The following PTPRD variants were observed in gnomAD, a reference collection of about 807,000 sequenced individuals.
PTPRD encodes the protein protein tyrosine phosphatase receptor type D.
Under a neutral mutation model 214.5 loss-of-function variants are expected in PTPRD, and 34 were observed. The ratio of observed to expected loss-of-function variants is 0.16; its 90% confidence interval spans 0.12 to 0.21. The LOEUF is 0.21. PTPRD is among the 10% of genes least tolerant of loss of function. The probability of loss-of-function intolerance (pLI) is 1.00; values close to 1 mark genes in which losing one functional copy is unlikely to be tolerated. For missense variants in PTPRD, 2,545 were observed against 2,398.7 expected (o/e 1.06, Z -1.27); for synonymous variants, 1,128 against 845.7 (o/e 1.33, Z -5.79).
chr9:9,039,760 T>C (rs1363825802), intron 10 of PTPRD, among the ~76,000 whole-genome samples: 4 of 152,214 alleles, frequency 2.6e-5, no homozygotes. Context: ...TATTTTGTAC[T>C]GGGAAAGTAA....
chr9:9,030,308 T>TTA (rs2099600848), intron 10 of PTPRD, among the ~76,000 whole-genome samples: 1 of 94,124 alleles, frequency 1.1e-5, no homozygotes, highest in East Asian at 3.4e-4. Context: ...TTTTTTTTTT[T>TTA]ACAGATATCT....
chr9:9,535,987 G>C (rs1296879909), intron 8 of PTPRD, among the ~76,000 whole-genome samples: 2 of 151,966 alleles, frequency 1.3e-5, no homozygotes, highest in Non-Finnish European at 2.9e-5. Context: ...AACCAAGAAA[G>C]GTAATGTCAT....
intron 9 of PTPRD, among the ~76,000 whole-genome samples, chr9:9,334,876 T>A (rs752515510): frequency 6.6e-6 from 1 of 151,888 alleles, no homozygotes; most frequent in Non-Finnish European, 1.5e-5. Context: ...GAAATCAACA[T>A]TAGATGCTTA....
intron 11 of PTPRD, among the ~76,000 whole-genome samples, chr9:8,789,481 A>G (rs2096133739): frequency 6.6e-6 from 1 of 152,180 alleles, no homozygotes; most frequent in Non-Finnish European, 1.5e-5. Context: ...ATTTCAATCT[A>G]TTCCTAAGGC....
At chr9:9,678,061 AT>A (rs1303319663) in intron 7 of PTPRD, among the ~76,000 whole-genome samples, 1 of 152,178 alleles carries the variant, frequency 6.6e-6, no homozygotes, top group Non-Finnish European at 1.5e-5. Context: ...TGCTCAAAAA[AT>A]AAAAGAGGAT....
At chr9:9,992,847 G>A (rs2095993176) in intron 4 of PTPRD, among the ~76,000 whole-genome samples, 1 of 151,996 alleles carries the variant, frequency 6.6e-6, no homozygotes, top group Non-Finnish European at 1.5e-5. Flanking sequence ...TAAACCCAAT[G>A]TAAATGACGA....
chr9:10,029,784 C>T (rs778193416), intron 4 of PTPRD, among the ~76,000 whole-genome samples: 1 of 152,234 alleles, frequency 6.6e-6, no homozygotes, highest in Middle Eastern at 3.4e-3. Flanking sequence ...TGAGTTAAGA[C>T]TTCGAGGGTC....
chr9:10,456,252 T>A (rs569750971), intron 2 of PTPRD, among the ~76,000 whole-genome samples: 4 of 152,052 alleles, frequency 2.6e-5, no homozygotes, highest in Non-Finnish European at 5.9e-5. Context: ...TTTAAAGTGC[T>A]GTTTTGAAAT....
At chr9:8,406,703 A>C (rs2093015717) in intron 35 of PTPRD, among the ~76,000 whole-genome samples, 1 of 152,230 alleles carries the variant, frequency 6.6e-6, no homozygotes, top group Non-Finnish European at 1.5e-5. Context: ...ATTCCTCTAT[A>C]TAACATGAGA....
chr9:9,144,746 C>G (rs2154483700), intron 10 of PTPRD, among the ~76,000 whole-genome samples: 1 of 152,114 alleles, frequency 6.6e-6, no homozygotes, highest in Middle Eastern at 3.4e-3. Context: ...GAGCGAGACT[C>G]TGTCAAAAAA....
intron 4 of PTPRD, among the ~76,000 whole-genome samples, chr9:9,998,839 G>C (rs1022442369): frequency 4.6e-5 from 7 of 152,142 alleles, no homozygotes; most frequent in African/African-American, 1.4e-4. Context: ...ACTCTTTCCT[G>C]ATTCTCCATG....
chr9:8,389,193 A>C, intron 37 of PTPRD, 39 bp downstream of exon 37: 1 of 1,554,016 alleles, frequency 6.4e-7, no homozygotes, highest in Non-Finnish European at 8.7e-7. Flanking sequence ...ACTCTGAGGG[A>C]AAATTTTTAA....
chr9:8,950,131 C>G (rs1261484162), intron 11 of PTPRD, among the ~76,000 whole-genome samples: 1 of 152,026 alleles, frequency 6.6e-6, no homozygotes, highest in East Asian at 1.9e-4. Context: ...CATGAAAATA[C>G]TAAGGGAATG....
chr9:8,570,817 T>C (rs1320689346), intron 14 of PTPRD, among the ~76,000 whole-genome samples: 2 of 152,018 alleles, frequency 1.3e-5, no homozygotes, highest in African/African-American at 4.8e-5. Flanking sequence ...CAAAGCACCA[T>C]GGCATAAAAA....
At chr9:9,706,134 C>T (rs1205626851) in intron 7 of PTPRD, among the ~76,000 whole-genome samples, 1 of 152,100 alleles carries the variant, frequency 6.6e-6, no homozygotes, top group East Asian at 1.9e-4. Flanking sequence ...AATAGTACTT[C>T]TCTTAAAACT....
intron 21 of PTPRD, 77 bp from the exon 22 acceptor site, chr9:8,507,511 C>A (rs745465813): frequency 3.8e-6 from 6 of 1,571,066 alleles, no homozygotes; most frequent in Non-Finnish European, 4.3e-6. Flanking sequence ...GCGTAACCTG[C>A]TTAAACCTTT....
chr9:9,314,196 C>T (rs764711796), intron 9 of PTPRD, among the ~76,000 whole-genome samples: 2 of 152,004 alleles, frequency 1.3e-5, no homozygotes, highest in Non-Finnish European at 2.9e-5. Flanking sequence ...ATTGTATACG[C>T]CTCCTGGAAT....
chr9:10,550,035 C>G (rs867421922), intron 2 of PTPRD, among the ~76,000 whole-genome samples: 25 of 152,220 alleles, frequency 1.6e-4, no homozygotes, highest in African/African-American at 5.8e-4. Flanking sequence ...TGGATCCCAT[C>G]AGTGACATTT....
At chr9:10,040,527 T>C (rs2097277085) in intron 3 of PTPRD, among the ~76,000 whole-genome samples, 2 of 152,020 alleles carry the variant, frequency 1.3e-5, no homozygotes, top group African/African-American at 4.8e-5. Context: ...TAACCATTAG[T>C]GATCCTCTCA....
Sources: gnomAD v4.1 joint callset for allele counts (sites outside exome capture counted in the v4.1 genomes callset) on GRCh38, gnomAD v4.1.1 for gene constraint, MANE v1.5 for transcripts, NCBI Gene and HGNC (gene_info 2026-07-23, HGNC 2026-07-21) for gene names.